SUGCT: variants seen among roughly 807,000 people sequenced by gnomAD.
SUGCT encodes the protein succinyl-CoA:glutarate-CoA transferase.
A neutral mutation model predicts 55.0 loss-of-function variants in SUGCT; 41 were observed. The ratio of observed to expected loss-of-function variants is 0.74; its 90% CI spans 0.58 to 0.97. The LOEUF (loss-of-function observed/expected upper bound fraction) is 0.97. Ranked by LOEUF, SUGCT falls within the 50% of genes least tolerant of loss-of-function variation. The probability of loss-of-function intolerance (pLI) is 0.00; values close to 1 mark genes in which losing one functional copy is unlikely to be tolerated. For synonymous variants in SUGCT, 187 were observed against 200.4 expected, an observed-to-expected ratio of 0.93 and a Z score of 0.56; for missense variants, 568 against 547.8, an observed-to-expected ratio of 1.04 and a Z score of -0.37.
intron 13 of SUGCT, among the ~76,000 whole-genome samples, chr7:40,760,709 T>C (rs1321907137): frequency 6.6e-6 from 1 of 152,144 alleles, no homozygotes; most frequent in Non-Finnish European, 1.5e-5. Flanking sequence ...GCATACAAAA[T>C]AGGCTAGAAT....
chr7:40,798,017 C>A (rs1401127988), intron 13 of SUGCT, among the ~76,000 whole-genome samples: 1 of 152,158 alleles, frequency 6.6e-6, no homozygotes, highest in East Asian at 1.9e-4. Context: ...CGTGCATCCC[C>A]TTATATAATG....
At chr7:40,146,856 A>G (rs1788273888) in intron 1 of SUGCT, among the ~76,000 whole-genome samples, 1 of 152,238 alleles carries the variant, frequency 6.6e-6, no homozygotes, top group Non-Finnish European at 1.5e-5. Flanking sequence ...TTATAGGGTC[A>G]CAGAGAAGAC....
At chr7:40,721,215 C>CT (rs200146932) in intron 12 of SUGCT, among the ~76,000 whole-genome samples, 1 of 151,868 alleles carries the variant, frequency 6.6e-6, no homozygotes, top group African/African-American at 2.4e-5. Context: ...CTTGATTTTT[C>CT]TTTTTTTTAA....
At chr7:40,843,174 A>T (rs758010) in intron 13 of SUGCT, among the ~76,000 whole-genome samples, 33,830 of 151,984 alleles carry the variant, frequency 0.22, 4,853 homozygotes, top group East Asian at 0.8. Context: ...TAAACTGGCC[A>T]AAGGGGCGAT....
intron 12 of SUGCT, among the ~76,000 whole-genome samples, chr7:40,695,160 C>A (rs918461751): frequency 6.9e-6 from 1 of 145,304 alleles, no homozygotes; most frequent in African/African-American, 2.5e-5. Context: ...TCTACCTAAA[C>A]CCTTATTTTT....
intron 12 of SUGCT, among the ~76,000 whole-genome samples, chr7:40,530,387 C>T (rs1054706459): frequency 2.0e-5 from 3 of 152,076 alleles, no homozygotes; most frequent in Non-Finnish European, 2.9e-5. Flanking sequence ...TTCAAACTGA[C>T]CAACAGCAGG....
intron 12 of SUGCT, among the ~76,000 whole-genome samples, chr7:40,681,894 T>A (rs1227913106): frequency 6.6e-6 from 1 of 152,110 alleles, no homozygotes; most frequent in South Asian, 2.1e-4. Context: ...TAGAGAACAG[T>A]GGTCAGAGTT....
chr7:40,658,039 A>T (rs1405187460), intron 12 of SUGCT, among the ~76,000 whole-genome samples: 2 of 152,222 alleles, frequency 1.3e-5, no homozygotes, highest in African/African-American at 4.8e-5. Context: ...TTCATGAAAT[A>T]TAAACCTTAG....
the SUGCT span, among the ~76,000 whole-genome samples, chr7:41,030,174 C>T: frequency 6.6e-6 from 1 of 152,118 alleles, no homozygotes; most frequent in Non-Finnish European, 1.5e-5. Context: ...ATCTTGGCTA[C>T]CACTTTTTGT....
chr7:40,847,421 T>A (rs1365035414), intron 13 of SUGCT, among the ~76,000 whole-genome samples: 75 of 143,468 alleles, frequency 5.2e-4, no homozygotes, highest in African/African-American at 1.9e-3. Flanking sequence ...CTTTTTTTTT[T>A]TTTTTTTTTT....
chr7:41,008,959 G>A, the SUGCT span, among the ~76,000 whole-genome samples: 2 of 151,966 alleles, frequency 1.3e-5, no homozygotes, highest in African/African-American at 2.4e-5. Flanking sequence ...AGAATATGAT[G>A]GTATCTCTGT....
chr7:40,140,240 A>G (rs940499935), intron 1 of SUGCT, among the ~76,000 whole-genome samples: 4 of 152,010 alleles, frequency 2.6e-5, no homozygotes, highest in Non-Finnish European at 2.9e-5. Context: ...ACAGGGATCC[A>G]GTTTCATTCT....
At chr7:40,600,896 C>T (rs991477376) in intron 12 of SUGCT, among the ~76,000 whole-genome samples, 2 of 151,790 alleles carry the variant, frequency 1.3e-5, no homozygotes, top group African/African-American at 4.8e-5. Context: ...GGGGAGGGGG[C>T]AGTTAAGTAC....
At chr7:40,521,921 C>A (rs983031716) in intron 12 of SUGCT, among the ~76,000 whole-genome samples, 1 of 152,034 alleles carries the variant, frequency 6.6e-6, no homozygotes, top group African/African-American at 2.4e-5. Flanking sequence ...CAAAGCTATA[C>A]CAACTACTAA....
chr7:40,475,581 T>C (rs1790621697), intron 11 of SUGCT, among the ~76,000 whole-genome samples: 1 of 152,182 alleles, frequency 6.6e-6, no homozygotes, highest in East Asian at 1.9e-4. Context: ...TTTTCTAAAC[T>C]TCAAAAGAGT....
At chr7:40,250,259 G>T (rs191572169) in intron 7 of SUGCT, among the ~76,000 whole-genome samples, 2 of 152,072 alleles carry the variant, frequency 1.3e-5, no homozygotes, top group East Asian at 3.9e-4. Flanking sequence ...AATTAGCGGG[G>T]CGTGGAGGTG....
At chr7:40,924,346 T>TC in the SUGCT span, among the ~76,000 whole-genome samples, 1 of 150,810 alleles carries the variant, frequency 6.6e-6, no homozygotes, top group South Asian at 2.1e-4. Flanking sequence ...GCTCAAGTGA[T>TC]CCCCCCACCT....
At chr7:40,470,769 CTCTCTCTCTCTG>C (rs1305038405) in intron 11 of SUGCT, among the ~76,000 whole-genome samples, 2 of 152,026 alleles carry the variant, frequency 1.3e-5, no homozygotes, top group Non-Finnish European at 2.9e-5. Flanking sequence ...CTCTCTCTCT[CTCTCTCTCTCTG>C]TCTTTCTCTC....
chr7:40,529,734 A>G (rs539256132), intron 12 of SUGCT, among the ~76,000 whole-genome samples: 3 of 152,316 alleles, frequency 2.0e-5, no homozygotes, highest in Non-Finnish European at 4.4e-5. Context: ...AACCATATCA[A>G]TGATAAAAAG....
Sources: allele counts gnomAD v4.1 joint callset (sites outside exome capture counted in the v4.1 genomes callset), GRCh38; gene constraint gnomAD v4.1.1; transcripts MANE v1.5; gene names NCBI Gene and HGNC (gene_info 2026-07-23, HGNC 2026-07-21).